DPYD: variants seen among roughly 807,000 people sequenced by gnomAD.
DPYD encodes dihydropyrimidine dehydrogenase, also known as dihydropyrimidine dehydrogenase [NADP(+)].
A neutral mutation model predicts 116.2 loss-of-function variants in DPYD; 109 were observed. The ratio of observed to expected loss-of-function variants is 0.94; its 90% CI spans 0.80 to 1.10. DPYD has a LOEUF of 1.10. DPYD is among the 50% of genes least tolerant of loss of function. The probability of loss-of-function intolerance (pLI) is 0.00; values close to 1 mark genes in which losing one functional copy is unlikely to be tolerated. For missense variants in DPYD, 1,302 were observed against 1,254.5 expected (o/e 1.04, Z -0.57); for synonymous variants, 440 against 432.0 (o/e 1.02, Z -0.23).
Position 97,310,883 on chromosome 1 carries a change from T to C in DPYD, c.2059-4586A>G, listed in dbSNP as rs573591967. On this transcript the variant is annotated intron_variant, in intron 16 of 22. Transcript: ENST00000370192. ...CAATATGTGAGTTGAATAAACAAAATTGCTGCATATCCACGCAATGAAATA... is the reference window on the plus strand; with the variant it reads ...CAATATGTGAGTTGAATAAACAAAACTGCTGCATATCCACGCAATGAAATA... 2.0e-5 allele frequency among the ~76,000 whole-genome samples: 3 copies of C among 151,886 alleles called. No individual in the cohort carries two copies. In the South Asian group the frequency reaches 6.2e-4, roughly 31 times the overall value.
At chr1:97,164,729 G>A (rs1656188590) in intron 20 of DPYD, among the ~76,000 whole-genome samples, 1 of 152,250 alleles carries the variant, frequency 6.6e-6, no homozygotes, top group Non-Finnish European at 1.5e-5. Flanking sequence ...GGACGTGAAA[G>A]ATCGCTACAA....
chr1:97,460,514 T>C (rs917007704), intron 13 of DPYD, among the ~76,000 whole-genome samples: 1 of 152,164 alleles, frequency 6.6e-6, no homozygotes, highest in African/African-American at 2.4e-5. Context: ...CCCTGAAGTA[T>C]GGTGCGTTGA....
At chr1:97,768,355 G>A (rs1368007549) in intron 3 of DPYD, among the ~76,000 whole-genome samples, 1 of 152,174 alleles carries the variant, frequency 6.6e-6, no homozygotes, top group African/African-American at 2.4e-5. Context: ...TGTCCTGAAT[G>A]TGCCCTTGCC....
intron 13 of DPYD, among the ~76,000 whole-genome samples, chr1:97,498,662 A>G (rs930747873): frequency 2.6e-5 from 4 of 151,860 alleles, no homozygotes; most frequent in African/African-American, 9.6e-5. Context: ...CATTTTTTAT[A>G]TATTGACAAA....
intron 16 of DPYD, among the ~76,000 whole-genome samples, chr1:97,317,916 C>G (rs1020987345): frequency 6.6e-6 from 1 of 152,038 alleles, no homozygotes; most frequent in East Asian, 1.9e-4. Context: ...TCATCCATAA[C>G]AAGTTGGTAT....
intron 16 of DPYD, among the ~76,000 whole-genome samples, chr1:97,323,243 CAT>C (rs1668415935): frequency 9.7e-6 from 1 of 102,624 alleles, no homozygotes; most frequent in Non-Finnish European, 2.2e-5. Flanking sequence ...TATGTATACA[CAT>C]TTATATACTT....
chr1:97,268,371 G>A (rs1384800882), intron 18 of DPYD, among the ~76,000 whole-genome samples: 1 of 152,106 alleles, frequency 6.6e-6, no homozygotes, highest in Non-Finnish European at 1.5e-5. Context: ...GTCAAAGTGG[G>A]GATTCCCTGC....
chr1:97,474,017 A>T (rs59899737), intron 13 of DPYD, among the ~76,000 whole-genome samples: 14 of 20,296 alleles, frequency 6.9e-4, no homozygotes, highest in African/African-American at 1.5e-3. Flanking sequence ...AACTGTCTTT[A>T]AAAAAAAAAA....
chr1:97,495,434 T>C (rs1449662180), intron 13 of DPYD, among the ~76,000 whole-genome samples: 1 of 152,142 alleles, frequency 6.6e-6, no homozygotes, highest in Non-Finnish European at 1.5e-5. Flanking sequence ...CTTAAAAGGG[T>C]AAATCATTCT....
At chr1:97,238,459 T>C (rs1300681073) in intron 18 of DPYD, among the ~76,000 whole-genome samples, 1 of 152,164 alleles carries the variant, frequency 6.6e-6, no homozygotes, top group Admixed American at 6.5e-5. Flanking sequence ...AATGAAGGTA[T>C]ATAAAAAGAT....
chr1:97,082,431 C>A lies in DPYD; in HGVS notation c.2806G>T (p.Gly936Cys), dbSNP rs137878450. ...ACTTGCTCTACGTTGCTCAATTCAC[C>A]AAATGTTCCAAGGTACTGCAGTGCT... ...GKALQYLGTF[G>C]ELSNVEQVVA... The change falls in exon 22 of 23, where the codon GGT (glycine) becomes TGT (cysteine). Residue 936 changes from glycine to cysteine, a missense_variant. Coordinates refer to ENST00000370192, the MANE Select transcript of DPYD (RefSeq NM_000110.4). 94 of 1,613,496 alleles carry A rather than the reference C, an allele frequency of 5.8e-5. No individual in the cohort carries two copies. The highest frequency in any genetic ancestry group is 8.0e-5 in the Non-Finnish European group (94 of 1,179,662).
intron 20 of DPYD, among the ~76,000 whole-genome samples, chr1:97,118,121 T>A (rs549002880): frequency 1.3e-5 from 2 of 152,278 alleles, no homozygotes; most frequent in East Asian, 3.9e-4. Flanking sequence ...CTATTGATCT[T>A]TTCTTTTCAA....
chr1:97,758,375 C>A (rs1474048637), intron 3 of DPYD, among the ~76,000 whole-genome samples: 3 of 141,958 alleles, frequency 2.1e-5, no homozygotes, highest in African/African-American at 2.6e-5. Context: ...AAAAAAAAAA[C>A]AGTTTCATTT....
intron 8 of DPYD, among the ~76,000 whole-genome samples, chr1:97,634,610 G>C (rs1657458362): frequency 6.6e-6 from 1 of 151,952 alleles, no homozygotes; most frequent in African/African-American, 2.4e-5. Context: ...CATCCACAAG[G>C]TAGAGGAAAA....
intron 1 of DPYD, among the ~76,000 whole-genome samples, chr1:97,898,388 A>T (rs1673188145): frequency 6.6e-6 from 1 of 151,714 alleles, no homozygotes; most frequent in African/African-American, 2.4e-5. Context: ...CTGTCTCTCC[A>T]ATTGAAGGAT....
At chr1:97,562,844 C>A (rs962583197) in intron 11 of DPYD, among the ~76,000 whole-genome samples, 1 of 151,962 alleles carries the variant, frequency 6.6e-6, no homozygotes, top group African/African-American at 2.4e-5. Context: ...TCAGCCCCCC[C>A]GAGTAGCTGG....
intron 20 of DPYD, among the ~76,000 whole-genome samples, chr1:97,156,668 G>A (rs1259308784): frequency 6.6e-6 from 1 of 152,066 alleles, no homozygotes; most frequent in African/African-American, 2.4e-5. Context: ...CACTGTTGGT[G>A]GGACTGTAAA....
intron 4 of DPYD, among the ~76,000 whole-genome samples, chr1:97,739,682 T>C (rs1329455487): frequency 2.0e-5 from 3 of 152,096 alleles, no homozygotes; most frequent in Admixed American, 1.3e-4. Flanking sequence ...TGGGAGACAT[T>C]GTTCAGCCTT....
At chr1:97,241,032 GTTAT>G (rs1295004304) in intron 18 of DPYD, among the ~76,000 whole-genome samples, 2 of 151,884 alleles carry the variant, frequency 1.3e-5, no homozygotes, top group African/African-American at 2.4e-5. Flanking sequence ...ATTATTTGAT[GTTAT>G]TTTAGTTTTT....
Sources: gnomAD v4.1 joint callset for allele counts (sites outside exome capture counted in the v4.1 genomes callset) on GRCh38, gnomAD v4.1.1 for gene constraint, MANE v1.5 for transcripts, NCBI Gene and HGNC (gene_info 2026-07-23, HGNC 2026-07-21) for gene names.